SUGCT: variants seen among roughly 807,000 people sequenced by gnomAD.
The protein encoded by SUGCT is succinyl-CoA:glutarate CoA-transferase.
Under a neutral mutation model 55.0 loss-of-function variants are expected in SUGCT, and 41 were observed. The ratio of observed to expected loss-of-function variants is 0.74; its 90% CI spans 0.58 to 0.97. SUGCT has a LOEUF of 0.97. Among genes scored for constraint, SUGCT ranks in the 50% least tolerant of loss-of-function variants. The pLI is 0.00. For synonymous variants in SUGCT, 187 were observed against 200.4 expected (o/e 0.93, Z 0.56); for missense variants, 568 against 547.8 (o/e 1.04, Z -0.37).
chr7:40,158,711 C>T (rs1041574871), intron 1 of SUGCT, among the ~76,000 whole-genome samples: 7 of 152,156 alleles, frequency 4.6e-5, no homozygotes, highest in Non-Finnish European at 1.0e-4. Flanking sequence ...GATTGTGCCA[C>T]TTCACTCCAG....
chr7:41,016,657 T>C, the SUGCT span, among the ~76,000 whole-genome samples: 1 of 152,228 alleles, frequency 6.6e-6, no homozygotes, highest in African/African-American at 2.4e-5. Flanking sequence ...TATTTTAATA[T>C]GTATACTTAC....
intron 12 of SUGCT, among the ~76,000 whole-genome samples, chr7:40,613,320 C>G (rs1373258689): frequency 6.6e-6 from 1 of 152,068 alleles, no homozygotes; most frequent in Non-Finnish European, 1.5e-5. Context: ...AGTGAAGATG[C>G]CCTAATGATC....
chr7:40,308,466 A>G (rs1794954282), intron 8 of SUGCT, among the ~76,000 whole-genome samples: 2 of 152,202 alleles, frequency 1.3e-5, no homozygotes, highest in African/African-American at 2.4e-5. Context: ...TTCATACACC[A>G]TAATGACCAG....
At chr7:40,924,564 A>T in the SUGCT span, among the ~76,000 whole-genome samples, 1 of 152,020 alleles carries the variant, frequency 6.6e-6, no homozygotes, top group Admixed American at 6.5e-5. Context: ...TCAATTTTCT[A>T]TATTAGACCC....
chr7:40,272,786 A>G (rs945004307), intron 7 of SUGCT, among the ~76,000 whole-genome samples: 2 of 151,078 alleles, frequency 1.3e-5, no homozygotes, highest in Admixed American at 1.3e-4. Context: ...CAGTCTCCTG[A>G]GTAGCCGGGA....
Position 40,496,387 on chromosome 7 carries a change from G to A in SUGCT, c.1089+1G>A. ...GAAGAATGTATTTGCAGAACCTCAG[G>A]TTTGTTTTTGAAGTTTAACAACGCC... is the stretch of plus-strand genomic sequence containing the variant. On this transcript the variant is annotated splice_donor_variant, in intron 12 of 13. Coordinates refer to ENST00000335693, the MANE Select transcript of SUGCT (RefSeq NM_001193313.2). LOFTEE classifies it high-confidence loss of function. 1 of 1,607,160 alleles carries A rather than the reference G, an allele frequency of 6.2e-7. No individual in the cohort carries two copies. Among genetic ancestry groups the A allele is most frequent in the South Asian group, 1.1e-5 (1 of 90,098 alleles).
the SUGCT span, among the ~76,000 whole-genome samples, chr7:41,030,377 G>A: frequency 3.3e-5 from 5 of 152,060 alleles, no homozygotes; most frequent in African/African-American, 1.2e-4. Context: ...GGAAAGTCTG[G>A]CTTTCATCCT....
chr7:40,513,785 T>A (rs1055200348), intron 12 of SUGCT, among the ~76,000 whole-genome samples: 1 of 132,898 alleles, frequency 7.5e-6, no homozygotes, highest in African/African-American at 2.9e-5. Context: ...AGGGAAGTAT[T>A]TTTTTTTTTT....
rs776733346 is a variant in SUGCT at position 40,570,850 on chromosome 7, CTTTTTTTTTTTT to C, written c.1089+74480_1089+74491del. Among the ~76,000 whole-genome samples, 277 of 52,310 alleles carry C rather than the reference CTTTTTTTTTTTT, an allele frequency of 5.3e-3. 6 individuals are homozygous for C. Among genetic ancestry groups the C allele is most frequent in the African/African-American group, 0.023 (264 of 11,534 alleles). 34.3% of individuals were successfully genotyped at this position (52,310 alleles called of 152,430 possible). A position where few individuals can be genotyped will look rare whatever the true frequency, so the allele number is the denominator to read the frequency against. On this transcript the variant is annotated intron_variant, in intron 12 of 13. Coordinates refer to ENST00000335693, the MANE Select transcript of SUGCT (RefSeq NM_001193313.2). Reference sequence around the variant, plus strand: ...CCCCTCTGGGCAAAAGCTTTAGGCTCTTTTTTTTTTTTTTTTTTTTTTTTTTTCAGTTGGAGC... The same window carrying C: ...CCCCTCTGGGCAAAAGCTTTAGGCTCTTTTTTTTTTTTTTTCAGTTGGAGC...
intron 9 of SUGCT, among the ~76,000 whole-genome samples, chr7:40,415,098 A>ATCTG (rs1786914847): frequency 6.8e-6 from 1 of 146,940 alleles, no homozygotes; most frequent in Non-Finnish European, 1.5e-5. Context: ...CTATCTATCT[A>ATCTG]TCTATCTATC....
At chr7:40,601,612 T>C (rs1798289449) in intron 12 of SUGCT, among the ~76,000 whole-genome samples, 1 of 152,196 alleles carries the variant, frequency 6.6e-6, no homozygotes, top group Non-Finnish European at 1.5e-5. Flanking sequence ...CAACAGCAGC[T>C]CTGCATGAGA....
the SUGCT span, among the ~76,000 whole-genome samples, chr7:40,988,333 C>A: frequency 2.4e-4 from 36 of 150,932 alleles, no homozygotes; most frequent in Admixed American, 4.0e-4. Context: ...AGGGTACAGG[C>A]AGCTCCAGGG....
rs573802442 is a variant in SUGCT at position 40,366,606 on chromosome 7, A to T, written c.816+49751A>T. Among the ~76,000 whole-genome samples the T allele has an allele frequency of 1.1e-3, 161 of 152,372 alleles. 1 individual carries two copies. Among genetic ancestry groups the T allele is most frequent in the Admixed American group, 3.2e-3 (49 of 15,308 alleles). Reference sequence around the variant, plus strand: ...AATCCCATCAAAAAGTGGGCGAAGGATATGAACAGACACTTCTCAAAAGAA... The same window carrying T: ...AATCCCATCAAAAAGTGGGCGAAGGTTATGAACAGACACTTCTCAAAAGAA... On this transcript the variant is annotated intron_variant, in intron 9 of 13. Transcript: ENST00000335693.
intron 9 of SUGCT, among the ~76,000 whole-genome samples, chr7:40,370,595 G>GGA (rs371045047): frequency 2.1e-5 from 3 of 146,022 alleles, no homozygotes; most frequent in Admixed American, 1.4e-4. Context: ...GAGAGATGGG[G>GGA]GAGAGAGAGA....
At chr7:41,009,937 C>T in the SUGCT span, among the ~76,000 whole-genome samples, 2 of 152,334 alleles carry the variant, frequency 1.3e-5, no homozygotes, top group Admixed American at 1.3e-4. Context: ...CACAAAGAAA[C>T]TTCCCTTGAG....
chr7:40,628,685 C>T (rs779053543), intron 12 of SUGCT, among the ~76,000 whole-genome samples: 15 of 152,024 alleles, frequency 9.9e-5, no homozygotes, highest in Admixed American at 2.0e-4. Flanking sequence ...TAGCATTCAA[C>T]GCTTTAGAAT....
At chr7:40,521,715 C>A (rs1407440092) in intron 12 of SUGCT, among the ~76,000 whole-genome samples, 1 of 151,770 alleles carries the variant, frequency 6.6e-6, no homozygotes, top group African/African-American at 2.4e-5. Flanking sequence ...TAAGAAAATT[C>A]AAATGAGACA....
intron 9 of SUGCT, among the ~76,000 whole-genome samples, chr7:40,427,334 A>C (rs1392685607): frequency 1.3e-5 from 2 of 152,208 alleles, no homozygotes; most frequent in Non-Finnish European, 2.9e-5. Flanking sequence ...ACAAGACATA[A>C]CTAAAGTTCT....
At chr7:40,518,435 C>G (rs961570020) in intron 12 of SUGCT, among the ~76,000 whole-genome samples, 2 of 152,016 alleles carry the variant, frequency 1.3e-5, no homozygotes, top group Non-Finnish European at 2.9e-5. Flanking sequence ...AGCCAGATTA[C>G]TTATGTTGTA....
Sources: gnomAD v4.1 joint callset for allele counts (sites outside exome capture counted in the v4.1 genomes callset) on GRCh38, gnomAD v4.1.1 for gene constraint, MANE v1.5 for transcripts, NCBI Gene and HGNC (gene_info 2026-07-23, HGNC 2026-07-21) for gene names.